The following ACVR1 variants were observed in gnomAD, a reference collection of about 807,000 sequenced individuals.
ACVR1 encodes activin receptor type-1.
A neutral mutation model predicts 57.1 loss-of-function variants in ACVR1; 38 were observed. That is an observed-to-expected ratio of 0.67 (90% CI 0.51 to 0.87). The LOEUF (loss-of-function observed/expected upper bound fraction) is 0.87, where lower values mean the gene tolerates loss of function less well. ACVR1 is among the 40% of genes least tolerant of loss of function. The pLI, the probability that ACVR1 is intolerant of heterozygous loss-of-function variation, is 0.00. For synonymous variants in ACVR1, 212 were observed against 228.1 expected, an observed-to-expected ratio of 0.93 and a Z score of 0.63; for missense variants, 463 against 638.2, an observed-to-expected ratio of 0.73 and a Z score of 2.96.
At chr2:157,743,213 TCTTA>T (rs1684844834) in intron 9 of ACVR1, among the ~76,000 whole-genome samples, 1 of 152,132 alleles carries the variant, frequency 6.6e-6, no homozygotes, top group African/African-American at 2.4e-5. Context: ...CCAACTAGGT[TCTTA>T]TTCAACCCAC....
intron 9 of ACVR1, among the ~76,000 whole-genome samples, chr2:157,740,718 AT>A (rs1370094330): frequency 6.6e-6 from 1 of 152,242 alleles, no homozygotes; most frequent in African/African-American, 2.4e-5. Flanking sequence ...TTTTTAAAAC[AT>A]GAGATCTGGT....
chr2:157,841,495 G>C (rs1214616307), intron 1 of ACVR1, among the ~76,000 whole-genome samples: 1 of 152,002 alleles, frequency 6.6e-6, no homozygotes, highest in Non-Finnish European at 1.5e-5. Flanking sequence ...TGCTTCTCAG[G>C]GACAATAAAA....
At chr2:157,862,132 T>C (rs1354650493) in intron 1 of ACVR1, among the ~76,000 whole-genome samples, 2 of 152,200 alleles carry the variant, frequency 1.3e-5, no homozygotes, top group Non-Finnish European at 2.9e-5. Context: ...AGCACAGAGA[T>C]AACTGCTAAA....
rs146313934 is a variant in ACVR1, at chr2:157,777,287, A to G, written c.543+844T>C. Among the ~76,000 whole-genome samples the G allele has an allele frequency of 4.5e-4, 69 of 152,346 alleles. 1 individual carries two copies. The highest frequency in any genetic ancestry group is 1.7e-3 in the South Asian group (8 of 4,828). On this transcript the variant is annotated intron_variant, in intron 5 of 10. Transcript: ENST00000434821. ...AATACAATAGTTTCTAACACTGTGC[A>G]GTCCAGCGGGTTAATCACTAGCCAC...
At position 157,766,167 on chromosome 2, in the gene ACVR1, G is replaced by A. The variant is rs375487177; in HGVS notation, c.820C>T (p.His274Tyr). The change falls in exon 8 of 11, where the codon CAC becomes TAC. Residue 274 changes from histidine (H) to tyrosine (Y), a missense_variant. This residue lies in a region of ACVR1 where 114 missense variants were observed against 216.2 expected (regional missense o/e 0.53). Coordinates refer to ENST00000434821, the MANE Select transcript of ACVR1 (RefSeq NM_001111067.4). ...ATTAACCACAGCTGGGTACTGGAGT[G>A]TCTTGATGTCATGTCTGAAGCAATG... is the stretch of plus-strand genomic sequence containing the variant. ...GFIASDMTSR[H>Y]SSTQLWLITH... The A allele has an allele frequency of 7.4e-6, 12 of 1,614,088 alleles. No homozygotes were observed. Among genetic ancestry groups the A allele is most frequent in the Non-Finnish European group, 3.4e-6 (4 of 1,179,986 alleles).
At chr2:157,773,795 C>A (rs535764393) in intron 6 of ACVR1, among the ~76,000 whole-genome samples, 1 of 152,150 alleles carries the variant, frequency 6.6e-6, no homozygotes, top group Admixed American at 6.5e-5. Flanking sequence ...TGGTAAGGAG[C>A]AACCATATCA....
chr2:157,848,777 C>T (rs145548115), intron 1 of ACVR1, among the ~76,000 whole-genome samples: 3 of 152,226 alleles, frequency 2.0e-5, no homozygotes, highest in African/African-American at 4.8e-5. Flanking sequence ...TTTCTTGTAT[C>T]TATATAATGG....
chr2:157,772,677 A>G (rs192988654), intron 6 of ACVR1, among the ~76,000 whole-genome samples: 1 of 152,318 alleles, frequency 6.6e-6, no homozygotes, highest in Admixed American at 6.5e-5. Flanking sequence ...GTACCCCTTC[A>G]ATGTCTTCCC....
At position 157,758,332 on chromosome 2, in the gene ACVR1, G is replaced by A. The variant is rs1020757963; in HGVS notation, c.1264+2548C>T. Among the ~76,000 whole-genome samples the A allele has an allele frequency of 2.6e-5, 4 of 151,976 alleles. No individual in the cohort carries two copies. In the East Asian group the frequency reaches 5.8e-4, roughly 22 times the overall value. On this transcript the variant is annotated intron_variant, in intron 9 of 10. Coordinates refer to ENST00000434821, the MANE Select transcript of ACVR1 (RefSeq NM_001111067.4). ...ACATAGATACTCAATACCACAGTTC[G>A]TCCTGTGAAACCCACAGATACAAAA...
intron 9 of ACVR1, among the ~76,000 whole-genome samples, chr2:157,741,334 G>A (rs1266182002): frequency 6.6e-6 from 1 of 152,118 alleles, no homozygotes; most frequent in African/African-American, 2.4e-5. Context: ...TGCTTGGCAG[G>A]AGGGATAAAA....
At chr2:157,826,624 A>G (rs1368516157) in intron 1 of ACVR1, 1 of 148,774 alleles carries the variant, frequency 6.7e-6, no homozygotes, top group Non-Finnish European at 1.5e-5. Context: ...ACTGCATTAC[A>G]GACTGGGCGA....
At chr2:157,863,139 A>C (rs1246062445) in intron 1 of ACVR1, among the ~76,000 whole-genome samples, 3 of 144,722 alleles carry the variant, frequency 2.1e-5, no homozygotes, top group African/African-American at 7.7e-5. Flanking sequence ...CAGCCTCCCA[A>C]GTAGCTGGGA....
At position 157,765,494 on chromosome 2, in the gene ACVR1, C is replaced by T. The variant is rs557471172; in HGVS notation, c.1066+427G>A. Among the ~76,000 whole-genome samples the T allele has an allele frequency of 2.0e-3, 306 of 152,166 alleles. 2 individuals carry two copies. Among genetic ancestry groups the T allele is most frequent in the Non-Finnish European group, 3.6e-3 (243 of 68,016 alleles). On this transcript the variant is annotated intron_variant, in intron 8 of 10. Transcript: ENST00000434821. ...AGTAATGGGAAACTCTGTATCTCGACAGGGATTTGGGTTTTACAACATTTG... is the reference window on the plus strand; with the variant it reads ...AGTAATGGGAAACTCTGTATCTCGATAGGGATTTGGGTTTTACAACATTTG...
At position 157,869,421 on chromosome 2, in the gene ACVR1, C is replaced by T. The variant is rs559747255; in HGVS notation, c.-183+6375G>A. Among the ~76,000 whole-genome samples, 4 of 152,280 alleles carry T rather than the reference C, an allele frequency of 2.6e-5. No individual in the cohort carries two copies. The East Asian group carries it at 7.7e-4, about 29-fold the overall frequency. ...TCCACAATACCTAGAACAGTTTTTT[C>T]TCTAACTGCTTATTAGGACCCATTA... On this transcript the variant is annotated intron_variant, in intron 1 of 10. Transcript: ENST00000434821.
chr2:157,774,603 A>AT (rs1423470554), intron 5 of ACVR1, among the ~76,000 whole-genome samples: 7 of 152,188 alleles, frequency 4.6e-5, no homozygotes, highest in African/African-American at 1.7e-4. Flanking sequence ...ACCTCAGGTG[A>AT]TCTGCCTGCC....
At chr2:157,775,121 C>G (rs771513035) in intron 5 of ACVR1, among the ~76,000 whole-genome samples, 15 of 152,144 alleles carry the variant, frequency 9.9e-5, no homozygotes, top group African/African-American at 3.4e-4. Flanking sequence ...AACGGGCTGC[C>G]TGGATGGAGG....
At chr2:157,757,021 GATATAT>G (rs765313619) in intron 9 of ACVR1, among the ~76,000 whole-genome samples, 7 of 106,434 alleles carry the variant, frequency 6.6e-5, no homozygotes, top group African/African-American at 9.9e-5. Flanking sequence ...ATATATATTT[GATATAT>G]ATATATATAT....
At chr2:157,822,976 C>A (rs1688210555) in intron 1 of ACVR1, among the ~76,000 whole-genome samples, 1 of 152,192 alleles carries the variant, frequency 6.6e-6, no homozygotes, top group South Asian at 2.1e-4. Context: ...TTATTTCTTG[C>A]AATACCAAGC....
chr2:157,785,234 T>C (rs1686671159), intron 3 of ACVR1, among the ~76,000 whole-genome samples: 1 of 152,182 alleles, frequency 6.6e-6, no homozygotes, highest in Non-Finnish European at 1.5e-5. Flanking sequence ...AATTAGACTG[T>C]AATTATAAAA....
Sources: allele counts gnomAD v4.1 joint callset (sites outside exome capture counted in the v4.1 genomes callset), GRCh38; gene constraint gnomAD v4.1.1; regional missense constraint gnomAD v4.1.1; transcripts MANE v1.5; gene names NCBI Gene and HGNC (gene_info 2026-07-23, HGNC 2026-07-21).